HECW2: variants seen among roughly 807,000 people sequenced by gnomAD.
HECW2 encodes the protein HECT, C2 and WW domain containing E3 ubiquitin protein ligase 2.
HECW2 carries 61 observed loss-of-function variants against 175.2 expected under a neutral mutation model. The ratio of observed to expected loss-of-function variants is 0.35; its 90% CI spans 0.28 to 0.43. The LOEUF (loss-of-function observed/expected upper bound fraction) is 0.43, where lower values mean the gene tolerates loss of function less well. Among genes scored for constraint, HECW2 ranks in the 20% least tolerant of loss-of-function variants. The pLI is 1.00. For missense variants in HECW2, 1,524 were observed against 2,000.5 expected, an observed-to-expected ratio of 0.76 and a Z score of 4.54; for synonymous variants, 671 against 731.0, an observed-to-expected ratio of 0.92 and a Z score of 1.32.
At chr2:196,418,253 C>T (rs571392620) in intron 2 of HECW2, among the ~76,000 whole-genome samples, 2 of 152,042 alleles carry the variant, frequency 1.3e-5, no homozygotes, top group Non-Finnish European at 2.9e-5. Context: ...CTCAGCCTCC[C>T]GAGTAGCTGG....
intron 1 of HECW2, among the ~76,000 whole-genome samples, chr2:196,478,029 G>A (rs1022510053): frequency 3.3e-5 from 5 of 152,062 alleles, no homozygotes; most frequent in Non-Finnish European, 7.4e-5. Flanking sequence ...TCCAGCCTGG[G>A]CAACAGAGTG....
At chr2:196,591,085 C>T (rs968342011) in intron 1 of HECW2, among the ~76,000 whole-genome samples, 4 of 152,238 alleles carry the variant, frequency 2.6e-5, no homozygotes, top group African/African-American at 9.6e-5. Context: ...CGCAGAAAAG[C>T]TCCAGCTGGT....
rs60030164 is a variant in HECW2, at chr2:196,423,684, T to TTGTGTGTGTGTGTGTGTGTGTG, written c.292+9426_292+9447dup. Among the ~76,000 whole-genome samples the TTGTGTGTGTGTGTGTGTGTGTG allele has an allele frequency of 4.6e-3, 647 of 140,000 alleles. 5 individuals carry two copies. Among genetic ancestry groups the TTGTGTGTGTGTGTGTGTGTGTG allele is most frequent in the East Asian group, 0.013 (64 of 4,826 alleles). The allele number at this position is 140,000 out of a possible 152,430, so 91.8% of individuals were successfully genotyped here. A position where few individuals can be genotyped will look rare whatever the true frequency, so the allele number is the denominator to read the frequency against. ...TTTTTAATGAATGTATAGTATTCCATTGTGTGTGTGTGTGTGTGTGTGTGT... is the reference window on the plus strand; with the variant it reads ...TTTTTAATGAATGTATAGTATTCCATTGTGTGTGTGTGTGTGTGTGTGTGTGTGTGTGTGTGTGTGTGTGTGT... On this transcript the variant is annotated intron_variant, in intron 2 of 28. Coordinates refer to ENST00000644978, the MANE Select transcript of HECW2 (RefSeq NM_001348768.2).
chr2:196,420,558 A>G (rs1218424179), intron 2 of HECW2, among the ~76,000 whole-genome samples: 1 of 152,246 alleles, frequency 6.6e-6, no homozygotes, highest in Non-Finnish European at 1.5e-5. Context: ...TTTCATCATA[A>G]CCTACATTAA....
At chr2:196,329,551 T>C in intron 5 of HECW2, 24 bp downstream of exon 5, 4 of 1,591,540 alleles carry the variant, frequency 2.5e-6, no homozygotes, top group African/African-American at 2.7e-5. Flanking sequence ...TCAAACTGGA[T>C]GTCACGTTTA....
At chr2:196,481,651 C>A (rs1484187792) in intron 1 of HECW2, among the ~76,000 whole-genome samples, 1 of 152,064 alleles carries the variant, frequency 6.6e-6, no homozygotes, top group Non-Finnish European at 1.5e-5. Flanking sequence ...GCTTACAGAC[C>A]AAAACAGAAA....
At chr2:196,388,256 T>C (rs773433342) in intron 2 of HECW2, among the ~76,000 whole-genome samples, 5 of 152,214 alleles carry the variant, frequency 3.3e-5, no homozygotes, top group Non-Finnish European at 7.3e-5. Context: ...ATTGGACTAC[T>C]GTACTCCAGT....
chr2:196,225,792 A>G lies in HECW2; in HGVS notation c.3996T>C (p.Phe1332=). The part of the protein sequence containing the change: ...YLLDAFFTRP[F]YKALLRILCD... The stretch of plus-strand genomic sequence containing the variant: ...CTTACATTCTGAGAAGAGCCTTATA[A>G]AAGGGCCGTGTGAAGAAGGCATCCA... Residue 1332 remains phenylalanine, a synonymous_variant, in exon 23 of 29, where the codon TTT becomes TTC. Coordinates refer to ENST00000644978, the MANE Select transcript of HECW2 (RefSeq NM_001348768.2). The G allele has an allele frequency of 6.2e-7, 1 of 1,607,306 alleles. No individual in the cohort carries two copies. The highest frequency in any genetic ancestry group is 8.5e-7 in the Non-Finnish European group (1 of 1,173,836).
At chr2:196,533,771 C>G (rs1043577392) in intron 1 of HECW2, among the ~76,000 whole-genome samples, 3 of 152,168 alleles carry the variant, frequency 2.0e-5, no homozygotes, top group Non-Finnish European at 4.4e-5. Flanking sequence ...CAATGGTAGA[C>G]TCGAGAATTT....
At chr2:196,588,505 A>G (rs924579114) in intron 1 of HECW2, among the ~76,000 whole-genome samples, 3 of 152,236 alleles carry the variant, frequency 2.0e-5, no homozygotes, top group African/African-American at 7.2e-5. Flanking sequence ...TGGAGAGGCT[A>G]GATCCAAAGA....
intron 12 of HECW2, 21 bp from the exon 13 acceptor site, chr2:196,306,633 A>G: frequency 6.3e-7 from 1 of 1,591,102 alleles, no homozygotes; most frequent in South Asian, 1.1e-5. Flanking sequence ...CAGACCACAG[A>G]GGCGGTCAGG....
chr2:196,512,880 C>T (rs1002291543), intron 1 of HECW2, among the ~76,000 whole-genome samples: 2 of 151,740 alleles, frequency 1.3e-5, no homozygotes, highest in Non-Finnish European at 1.5e-5. Flanking sequence ...TTAGTAGAGA[C>T]GGGGCCTCAC....
chr2:196,395,714 T>TA (rs141335051), intron 2 of HECW2, among the ~76,000 whole-genome samples: 62 of 139,232 alleles, frequency 4.5e-4, no homozygotes, highest in African/African-American at 1.7e-3. Flanking sequence ...TTTTTTTTTT[T>TA]TAAAAAAAGA....
At chr2:196,531,069 A>G (rs1688823854) in intron 1 of HECW2, among the ~76,000 whole-genome samples, 1 of 152,202 alleles carries the variant, frequency 6.6e-6, no homozygotes, top group Non-Finnish European at 1.5e-5. Context: ...GTATTCTAAT[A>G]GCAGACTTCT....
At position 196,257,789 on chromosome 2, in the gene HECW2, CCTT is replaced by C. The variant is rs1354505384; in HGVS notation, c.3419+31_3419+33del. 4 of 1,422,728 alleles carry C rather than the reference CCTT, an allele frequency of 2.8e-6. No individual in the cohort carries two copies. In the African/African-American group the frequency reaches 5.7e-5, roughly 20 times the overall value. The allele number at this position is 1,422,728 out of a possible 1,614,324, so 88.1% of individuals were successfully genotyped here. A position where few individuals can be genotyped will look rare whatever the true frequency, so the allele number is the denominator to read the frequency against. On this transcript the variant is annotated intron_variant, in intron 18 of 28. Coordinates refer to ENST00000644978, the MANE Select transcript of HECW2 (RefSeq NM_001348768.2). ...TTCCATGATATCTGATGACAAGAGA[CCTT>C]CTGCTTCAAGAGTGAGTGTTACGTA... is the stretch of plus-strand genomic sequence containing the variant.
chr2:196,578,947 ATATATT>A (rs60081617), intron 1 of HECW2, among the ~76,000 whole-genome samples: 12,175 of 152,154 alleles, frequency 0.08, 606 homozygotes, highest in South Asian at 0.15. Context: ...GAGAAGATAA[ATATATT>A]TATATTTATA....
chr2:196,533,944 T>A (rs1223498870), intron 1 of HECW2, among the ~76,000 whole-genome samples: 1 of 152,228 alleles, frequency 6.6e-6, no homozygotes. Flanking sequence ...CCTTACCTAG[T>A]GCATCTGCTA....
At chr2:196,495,745 T>G (rs1293794973) in intron 1 of HECW2, among the ~76,000 whole-genome samples, 3 of 152,212 alleles carry the variant, frequency 2.0e-5, no homozygotes, top group Non-Finnish European at 4.4e-5. Flanking sequence ...TGCAACTACC[T>G]TTCGGTCACC....
chr2:196,389,698 G>A (rs1281927975), intron 2 of HECW2, among the ~76,000 whole-genome samples: 1 of 152,172 alleles, frequency 6.6e-6, no homozygotes, highest in African/African-American at 2.4e-5. Context: ...TTTGAAAGGG[G>A]CCTTATTCTT....
Sources: gnomAD v4.1 joint callset for allele counts (sites outside exome capture counted in the v4.1 genomes callset) on GRCh38, gnomAD v4.1.1 for gene constraint, MANE v1.5 for transcripts, NCBI Gene and HGNC (gene_info 2026-07-23, HGNC 2026-07-21) for gene names.